SV2C: variants seen among roughly 807,000 people sequenced by gnomAD.
The protein encoded by SV2C is solute carrier family 22 member B3.
A neutral mutation model predicts 79.7 loss-of-function variants in SV2C; 49 were observed. The ratio of observed to expected loss-of-function variants is 0.61; its 90% CI spans 0.49 to 0.78. SV2C has a LOEUF of 0.78. Among genes scored for constraint, SV2C ranks in the 30% least tolerant of loss-of-function variants. The pLI, the probability that SV2C is intolerant of heterozygous loss-of-function variation, is 0.00. For missense variants in SV2C, 833 were observed against 912.9 expected, an observed-to-expected ratio of 0.91 and a Z score of 1.13; for synonymous variants, 334 against 333.2, an observed-to-expected ratio of 1.00 and a Z score of -0.03.
At chr5:76,047,766 CTTTT>C in the SV2C span, among the ~76,000 whole-genome samples, 1 of 129,262 alleles carries the variant, frequency 7.7e-6, no homozygotes, top group Non-Finnish European at 1.6e-5. Flanking sequence ...TTTTTCTTTT[CTTTT>C]TTTTTTTTTT....
intron 1 of SV2C, among the ~76,000 whole-genome samples, chr5:76,105,140 G>A (rs529651631): frequency 6.6e-6 from 1 of 152,328 alleles, no homozygotes; most frequent in African/African-American, 2.4e-5. Context: ...GACAGAGGCA[G>A]AGATTGGAAT....
At chr5:75,924,826 A>T in the SV2C span, among the ~76,000 whole-genome samples, 1 of 152,136 alleles carries the variant, frequency 6.6e-6, no homozygotes, top group South Asian at 2.1e-4. Flanking sequence ...AATCGAACAG[A>T]CTATGTGTAC....
chr5:75,936,270 G>A, the SV2C span, among the ~76,000 whole-genome samples: 38,099 of 152,012 alleles, frequency 0.25, 5,765 homozygotes, highest in East Asian at 0.42. Context: ...CTCCTCTGGG[G>A]ACTGTCCTCC....
intron 2 of SV2C, among the ~76,000 whole-genome samples, chr5:76,191,346 G>A (rs561943274): frequency 3.3e-5 from 5 of 152,144 alleles, no homozygotes; most frequent in South Asian, 2.1e-4. Flanking sequence ...CAGTGAATTC[G>A]GAATACTAAT....
intron 2 of SV2C, among the ~76,000 whole-genome samples, chr5:76,169,270 C>T (rs1434871385): frequency 6.6e-6 from 1 of 152,126 alleles, no homozygotes; most frequent in Non-Finnish European, 1.5e-5. Flanking sequence ...ACTCCAATTT[C>T]CAGAATCACT....
At chr5:76,194,324 T>C (rs2112326518) in intron 2 of SV2C, among the ~76,000 whole-genome samples, 1 of 152,350 alleles carries the variant, frequency 6.6e-6, no homozygotes, top group African/African-American at 2.4e-5. Flanking sequence ...CTAGTGATTA[T>C]CTTCTGAGAG....
intron 1 of SV2C, among the ~76,000 whole-genome samples, chr5:76,113,453 G>T (rs1748160519): frequency 6.6e-6 from 1 of 152,204 alleles, no homozygotes; most frequent in Admixed American, 6.5e-5. Flanking sequence ...GGATTGTCTT[G>T]GCTATGAAGA....
the SV2C span, among the ~76,000 whole-genome samples, chr5:75,966,688 T>C: frequency 1.3e-5 from 2 of 152,238 alleles, no homozygotes; most frequent in Admixed American, 6.5e-5. Context: ...GCACAGCCTA[T>C]GGGTTAGCCC....
At chr5:75,962,215 C>T in the SV2C span, among the ~76,000 whole-genome samples, 2 of 152,064 alleles carry the variant, frequency 1.3e-5, no homozygotes, top group Admixed American at 1.3e-4. Flanking sequence ...GTAACAGACA[C>T]CCATGTGTTC....
At chr5:76,004,174 G>A in the SV2C span, among the ~76,000 whole-genome samples, 1 of 152,184 alleles carries the variant, frequency 6.6e-6, no homozygotes, top group African/African-American at 2.4e-5. Context: ...CAGCCAGGTG[G>A]TCAGCAAAAC....
intron 2 of SV2C, among the ~76,000 whole-genome samples, chr5:76,166,309 GGAA>G (rs1743045688): frequency 6.6e-6 from 1 of 152,098 alleles, no homozygotes; most frequent in African/African-American, 2.4e-5. Flanking sequence ...TTCATGGTGG[GGAA>G]GAAGGAGAGA....
Position 76,209,765 on chromosome 5 carries a change from C to A in SV2C, c.791C>A (p.Ser264Ter), listed in dbSNP as rs748677235. Residue 264 changes from serine to a stop codon, truncating the protein, a stop_gained, in exon 4 of 13, where the codon TCG becomes TAG. Coordinates refer to ENST00000502798, the MANE Select transcript of SV2C (RefSeq NM_014979.4). LOFTEE classifies it high-confidence loss of function. The part of the protein sequence containing the change: ...GIGGAIPTVF[S>*]YFAEVLAREK... ...GGAGGAGCCATACCCACTGTGTTCT[C>A]GTACTTTGCTGAAGTCCTGGCCCGG... 1 of 1,614,180 alleles carries A rather than the reference C, an allele frequency of 6.2e-7. No homozygotes were observed. Among genetic ancestry groups the A allele is most frequent in the South Asian group, 1.1e-5 (1 of 91,072 alleles).
At chr5:76,144,771 A>T (rs1749366070) in intron 2 of SV2C, among the ~76,000 whole-genome samples, 1 of 152,224 alleles carries the variant, frequency 6.6e-6, no homozygotes, top group African/African-American at 2.4e-5. Context: ...TTCAGTAAAT[A>T]TTCATGTAAG....
chr5:75,937,976 G>T, the SV2C span, among the ~76,000 whole-genome samples: 1 of 151,294 alleles, frequency 6.6e-6, no homozygotes, highest in Non-Finnish European at 1.5e-5. Flanking sequence ...TAAATCTCAT[G>T]GATTTATCAC....
intron 4 of SV2C, among the ~76,000 whole-genome samples, chr5:76,223,563 C>T (rs1745155791): frequency 6.9e-6 from 1 of 145,590 alleles, no homozygotes; most frequent in South Asian, 2.2e-4. Context: ...TTATAACCCA[C>T]ATTTGATAAA....
At chr5:75,950,157 G>T in the SV2C span, among the ~76,000 whole-genome samples, 1 of 152,030 alleles carries the variant, frequency 6.6e-6, no homozygotes, top group Non-Finnish European at 1.5e-5. Flanking sequence ...ATCCAAGAGG[G>T]AATATAGTAG....
At chr5:75,972,750 AT>A in the SV2C span, among the ~76,000 whole-genome samples, 3 of 152,122 alleles carry the variant, frequency 2.0e-5, no homozygotes, top group Non-Finnish European at 4.4e-5. Context: ...TAGTTCAACC[AT>A]TGTGGAAGTC....
At chr5:76,222,468 T>C (rs948948248) in intron 4 of SV2C, among the ~76,000 whole-genome samples, 3 of 151,554 alleles carry the variant, frequency 2.0e-5, no homozygotes, top group Admixed American at 1.3e-4. Context: ...GGGTGGGGGG[T>C]GTATGACTAT....
intron 12 of SV2C, among the ~76,000 whole-genome samples, chr5:76,346,919 G>A (rs549332507): frequency 2.4e-4 from 36 of 152,260 alleles, no homozygotes; most frequent in African/African-American, 8.2e-4. Flanking sequence ...TGCTGTCTCC[G>A]CTACCTAGAA....
Sources: gnomAD v4.1 joint callset for allele counts (sites outside exome capture counted in the v4.1 genomes callset) on GRCh38, gnomAD v4.1.1 for gene constraint, MANE v1.5 for transcripts, NCBI Gene and HGNC (gene_info 2026-07-23, HGNC 2026-07-21) for gene names.